Variants in DPYD observed in about 807,000 individuals in gnomAD.
The protein encoded by DPYD is dihydropyrimidine dehydrogenase [NADP(+)].
A neutral mutation model predicts 116.2 loss-of-function variants in DPYD; 109 were observed. The observed-to-expected ratio is 0.94, with a 90% confidence interval of 0.80 to 1.10. DPYD has a LOEUF of 1.10. Among genes scored for constraint, DPYD ranks in the 50% least tolerant of loss-of-function variants. DPYD has a pLI of 0.00. For missense variants in DPYD, 1,302 were observed against 1,254.5 expected (o/e 1.04, Z -0.57); for synonymous variants, 440 against 432.0 (o/e 1.02, Z -0.23).
In DPYD at chr1:97,655,447, T is replaced by G. The variant is rs540497098; in HGVS notation, c.850+23648A>C. Among the ~76,000 whole-genome samples the G allele has an allele frequency of 2.6e-5, 4 of 152,296 alleles. No individual in the cohort carries two copies. In the East Asian group the frequency reaches 7.7e-4, roughly 29 times the overall value. On this transcript the variant is annotated intron_variant, in intron 8 of 22. Transcript: ENST00000370192. ...CTGTTTCAGCTCTCAGAAGATGCTT[T>G]TTGCAAGTTCCTTCCACTGCTGCCT...
chr1:97,496,202 C>A (rs1179094400), intron 13 of DPYD, among the ~76,000 whole-genome samples: 1 of 152,016 alleles, frequency 6.6e-6, no homozygotes, highest in African/African-American at 2.4e-5. Context: ...CTCTTTTATA[C>A]ATGTCAAATA....
Position 97,699,443 on chromosome 1 carries a change from C to G in DPYD, c.588G>C (p.Gly196=), listed in dbSNP as rs2100971778. 1 of 1,613,640 alleles carries G rather than the reference C, an allele frequency of 6.2e-7. No individual in the cohort carries two copies. The highest frequency in any genetic ancestry group is 8.5e-7 in the Non-Finnish European group (1 of 1,179,690). ...YSAKIALFGA[G]PASISCASFL... is the part of the protein sequence containing the mutation. The stretch of plus-strand genomic sequence containing the variant: ...AGGAAGCACAACTTATACTTGCAGG[C>G]CCAGCACCAAAAAGAGCAATCTTTG... The change falls in exon 6 of 23, where the codon GGG becomes GGC. Residue 196 remains glycine, a synonymous_variant. Transcript: ENST00000370192.
chr1:97,087,911 T>C (rs1338327940), intron 21 of DPYD, among the ~76,000 whole-genome samples: 4 of 152,198 alleles, frequency 2.6e-5, no homozygotes, highest in Admixed American at 6.5e-5. Context: ...TGAGTATTAA[T>C]AGACAAAATA....
At chr1:97,696,386 TAGA>T (rs1661308067) in intron 6 of DPYD, among the ~76,000 whole-genome samples, 1 of 152,046 alleles carries the variant, frequency 6.6e-6, no homozygotes, top group Non-Finnish European at 1.5e-5. Context: ...TTGCTTAGAA[TAGA>T]GAAAGAGGTC....
chr1:97,720,800 A>G, intron 5 of DPYD: 1 of 1,555,458 alleles, frequency 6.4e-7, no homozygotes, highest in South Asian at 1.2e-5. Context: ...TAAGCTGATC[A>G]TTTAAATGAT....
At chr1:97,281,847 A>T (rs1336474658) in intron 18 of DPYD, among the ~76,000 whole-genome samples, 1 of 152,080 alleles carries the variant, frequency 6.6e-6, no homozygotes, top group East Asian at 1.9e-4. Flanking sequence ...TAGGGTATAA[A>T]ATTATCTACC....
intron 18 of DPYD, among the ~76,000 whole-genome samples, chr1:97,257,448 T>G (rs879582707): frequency 1.4e-3 from 159 of 111,528 alleles, no homozygotes; most frequent in Admixed American, 2.0e-3. Context: ...TATATATATA[T>G]ATATAGAGAG....
chr1:97,731,029 A>G (rs918155244), intron 4 of DPYD, among the ~76,000 whole-genome samples: 1 of 152,094 alleles, frequency 6.6e-6, no homozygotes, highest in South Asian at 2.1e-4. Flanking sequence ...AATGTGAAAT[A>G]TATATATATT....
Position 97,142,752 on chromosome 1 carries a change from A to T in DPYD, c.2623-44120T>A, listed in dbSNP as rs935727000. 5.3e-5 allele frequency among the ~76,000 whole-genome samples: 8 copies of T among 152,130 alleles called. No individual in the cohort carries two copies. The East Asian group carries it at 1.6e-3, about 29-fold the overall frequency. On this transcript the variant is annotated intron_variant, in intron 20 of 22. Transcript: ENST00000370192. The stretch of plus-strand genomic sequence containing the variant: ...GTAAGCTAAATAATGCCAGCTCTTT[A>T]TGCCCTTCCTGACTTTCCTGCTTGG...
chr1:97,814,921 A>AGAG (rs1557982377), intron 3 of DPYD, among the ~76,000 whole-genome samples: 16 of 19,700 alleles, frequency 8.1e-4, no homozygotes, highest in Admixed American at 1.6e-3. Flanking sequence ...AAAAAAAAAA[A>AGAG]GAAAGAGAGA....
chr1:97,865,164 A>C (rs931783694), intron 2 of DPYD, among the ~76,000 whole-genome samples: 2 of 151,870 alleles, frequency 1.3e-5, no homozygotes, highest in Non-Finnish European at 2.9e-5. Flanking sequence ...CTTACACAAC[A>C]AGTTGGTCAG....
chr1:97,781,786 T>C (rs1314177884), intron 3 of DPYD, among the ~76,000 whole-genome samples: 1 of 152,220 alleles, frequency 6.6e-6, no homozygotes, highest in Admixed American at 6.5e-5. Context: ...TCAACTCACA[T>C]TTTTTCTATA....
At chr1:97,141,638 C>CT (rs2101695838) in intron 20 of DPYD, among the ~76,000 whole-genome samples, 2 of 152,296 alleles carry the variant, frequency 1.3e-5, no homozygotes, top group African/African-American at 4.8e-5. Context: ...ACCGAATATA[C>CT]TATCATTTAT....
intron 14 of DPYD, among the ~76,000 whole-genome samples, chr1:97,416,879 A>G (rs900595699): frequency 1.3e-5 from 2 of 152,186 alleles, no homozygotes; most frequent in Non-Finnish European, 2.9e-5. Flanking sequence ...ATTAGTTGTC[A>G]GCATTTACCC....
intron 1 of DPYD, among the ~76,000 whole-genome samples, chr1:97,914,351 A>C (rs1674115211): frequency 6.6e-6 from 1 of 152,176 alleles, no homozygotes; most frequent in Non-Finnish European, 1.5e-5. Context: ...TGAAGCTAAT[A>C]TGTTTGCTTA....
chr1:97,195,297 A>G (rs1658670347), intron 19 of DPYD, among the ~76,000 whole-genome samples: 1 of 152,006 alleles, frequency 6.6e-6, no homozygotes, highest in Non-Finnish European at 1.5e-5. Flanking sequence ...ACAAAGAAAA[A>G]TCATGTCATG....
chr1:97,136,834 T>A (rs545448401), intron 20 of DPYD, among the ~76,000 whole-genome samples: 4 of 152,196 alleles, frequency 2.6e-5, no homozygotes, highest in African/African-American at 9.6e-5. Flanking sequence ...ATCAGCTAGA[T>A]CTTTTTTGTT....
intron 13 of DPYD, among the ~76,000 whole-genome samples, chr1:97,467,385 T>C (rs1467691872): frequency 6.6e-6 from 1 of 152,228 alleles, no homozygotes; most frequent in Non-Finnish European, 1.5e-5. Context: ...CATCTGAATC[T>C]ACCTATGAAC....
chr1:97,560,827 C>T (rs773270668), intron 11 of DPYD, among the ~76,000 whole-genome samples: 4 of 152,030 alleles, frequency 2.6e-5, no homozygotes, highest in Non-Finnish European at 4.4e-5. Flanking sequence ...GGTCAGAGAG[C>T]GCCTCTTTGA....
Sources: allele counts gnomAD v4.1 joint callset (sites outside exome capture counted in the v4.1 genomes callset), GRCh38; gene constraint gnomAD v4.1.1; transcripts MANE v1.5; gene names NCBI Gene and HGNC (gene_info 2026-07-23, HGNC 2026-07-21).